The following PTPN20 variants were observed in gnomAD, a reference collection of about 807,000 sequenced individuals.
The protein encoded by PTPN20 is tyrosine-protein phosphatase non-receptor type 20.
PTPN20 carries 9 observed loss-of-function variants against 35.0 expected under a neutral mutation model. The observed-to-expected ratio is 0.26, with a 90% confidence interval of 0.15 to 0.45. PTPN20 has a LOEUF of 0.45. Among genes scored for constraint, PTPN20 ranks in the 20% least tolerant of loss-of-function variants. PTPN20 has a pLI of 1.00. For missense variants in PTPN20, 111 were observed against 312.5 expected (o/e 0.36, Z 4.86); for synonymous variants, 32 against 100.2 (o/e 0.32, Z 4.06).
At chr10:47,002,958 A>T (rs2060131569), downstream of PTPN20, among the ~76,000 whole-genome samples, 1 of 152,080 alleles carries the variant, frequency 6.6e-6, no homozygotes, top group Non-Finnish European at 1.5e-5. Context: ...AAAAGTCTAA[A>T]GCAAAATACT....
rs931529482 is a variant in PTPN20 at position 46,992,161 on chromosome 10, C to T, written c.1134+4606C>T. Among the ~76,000 whole-genome samples the T allele has an allele frequency of 1.2e-4, 17 of 142,714 alleles. No individual in the cohort carries two copies. The East Asian group carries it at 1.4e-3, about 12-fold the overall frequency. 93.6% of individuals were successfully genotyped at this position (142,714 alleles called of 152,430 possible). On this transcript the variant is annotated intron_variant, in intron 9 of 10. Transcript: ENST00000374339. ...TTTTTGAGACAGAGTCTTGGTCTGT[C>T]GCCCAGGCTGGAGTGCAGTGGCGTG... is the stretch of plus-strand genomic sequence containing the variant.
intron 2 of PTPN20, among the ~76,000 whole-genome samples, chr10:46,934,269 C>CTTTACTTAAT (rs2040682410): frequency 9.0e-6 from 1 of 110,602 alleles, no homozygotes; most frequent in Admixed American, 9.7e-5. Context: ...TATCCTGCAA[C>CTTTACTTAAT]TTTACTTAAT....
At chr10:46,988,805 C>CA (rs1237251452) in intron 9 of PTPN20, among the ~76,000 whole-genome samples, 1,116 of 150,652 alleles carry the variant, frequency 7.4e-3, no homozygotes, top group African/African-American at 0.026. Flanking sequence ...TAGTTTTCCT[C>CA]ATAGAAGTCT....
chr10:46,999,328 C>A (rs199896764), intron 9 of PTPN20, among the ~76,000 whole-genome samples: 44,727 of 151,830 alleles, frequency 0.29, 6,933 homozygotes, highest in East Asian at 0.44. Flanking sequence ...ATATCCTGTT[C>A]AGTTGAGCAC....
At chr10:46,937,921 CT>C (rs1296274189) in intron 2 of PTPN20, among the ~76,000 whole-genome samples, 2 of 135,442 alleles carry the variant, frequency 1.5e-5, no homozygotes, top group African/African-American at 5.7e-5. Context: ...TTTTTCTTTT[CT>C]TTTTTTCTTC....
At chr10:46,947,314 T>A (rs1228230388) in intron 5 of PTPN20, among the ~76,000 whole-genome samples, 1 of 149,208 alleles carries the variant, frequency 6.7e-6, no homozygotes, top group Non-Finnish European at 1.5e-5. Context: ...ATCTTAGAGG[T>A]CATCCATAAC....
rs1025943374 is a variant in PTPN20 at position 47,001,002 on chromosome 10, T to C, written c.*261T>C. The C allele has an allele frequency of 7.5e-6, 4 of 536,722 alleles. No individual in the cohort carries two copies. In the African/African-American group the frequency reaches 7.6e-5, roughly 10 times the overall value. 33.2% of individuals were successfully genotyped at this position (536,722 alleles called of 1,614,324 possible). On this transcript the variant is annotated 3_prime_UTR_variant, in exon 11 of 11. Transcript: ENST00000374339. ...GTGAAACAGATGTTACATAAAACGA[T>C]TGCAGCTTGGCTATTTGGTTGAAGG...
intron 5 of PTPN20, among the ~76,000 whole-genome samples, chr10:46,951,129 C>T (rs2134638199): frequency 6.6e-6 from 1 of 152,046 alleles, no homozygotes; most frequent in African/African-American, 2.4e-5. Context: ...TACCAGATTC[C>T]TTTCCAAAAG....
chr10:46,980,066 C>A (rs2054886425), intron 7 of PTPN20, among the ~76,000 whole-genome samples: 1 of 149,248 alleles, frequency 6.7e-6, no homozygotes, highest in Admixed American at 6.7e-5. Context: ...GGAGATATAT[C>A]CAACAAAAAT....
intron 7 of PTPN20, among the ~76,000 whole-genome samples, chr10:46,977,239 C>T (rs2054010194): frequency 6.6e-6 from 1 of 152,298 alleles, no homozygotes; most frequent in African/African-American, 2.4e-5. Context: ...GTCAACTTTT[C>T]CCTGGGGTCT....
chr10:46,993,990 G>C (rs1424369554), intron 9 of PTPN20, among the ~76,000 whole-genome samples: 1 of 152,116 alleles, frequency 6.6e-6, no homozygotes, highest in Non-Finnish European at 1.5e-5. Flanking sequence ...AGTCAGGTCT[G>C]CTGCTGTTGA....
rs1292602817 is a variant in PTPN20, at chr10:46,947,208, A to G, written c.340+533A>G. ...GAATATATACTTAACATATATGTGT[A>G]TGTGTATATATATATATATATATAT... On this transcript the variant is annotated intron_variant, in intron 5 of 10. Coordinates refer to ENST00000374339, the MANE Select transcript of PTPN20 (RefSeq NM_001042357.5). Among the ~76,000 whole-genome samples the G allele has an allele frequency of 4.2e-5, 5 of 120,212 alleles. 1 individual carries two copies. The highest frequency in any genetic ancestry group is 1.6e-4 in the Admixed American group (2 of 12,294). 78.9% of individuals were successfully genotyped at this position (120,212 alleles called of 152,430 possible). A position where few individuals can be genotyped will look rare whatever the true frequency, so the allele number is the denominator to read the frequency against.
At chr10:46,925,273 G>A (rs1270582064) in intron 1 of PTPN20, among the ~76,000 whole-genome samples, 4 of 148,386 alleles carry the variant, frequency 2.7e-5, no homozygotes, top group Non-Finnish European at 5.9e-5. Context: ...TGCAACTTTA[G>A]CCACTCGCTT....
In PTPN20 at chr10:46,968,044, C is replaced by T. The variant is rs1344080365; in HGVS notation, c.580C>T (p.Pro194Ser). The change falls in exon 7 of 11, where the codon CCA (proline) becomes TCA (serine). Residue 194 changes from proline (P) to serine (S), a missense_variant. Pro to Ser is a moderately conservative substitution (Grantham distance 74, BLOSUM62 -1). Coordinates refer to ENST00000374339, the MANE Select transcript of PTPN20 (RefSeq NM_001042357.5). The part of the protein sequence containing the change: ...REKNRYRDIL[P>S]YDSTRVPLGK... ...AAAAAATAGATACCGAGATATTCTT[C>T]CATGTAAGCTAAAAATAGTTTTGAT... 1 of 1,092,708 alleles carries T rather than the reference C, an allele frequency of 9.2e-7. No homozygotes were observed. The highest frequency in any genetic ancestry group is 1.2e-6 in the Non-Finnish European group (1 of 865,060). 67.7% of individuals were successfully genotyped at this position (1,092,708 alleles called of 1,614,324 possible).
Position 47,001,038 on chromosome 10 carries a change from C to G in PTPN20, c.*297C>G, listed in dbSNP as rs1280339573. 2.2e-6 allele frequency: 1 copy of G among 444,920 alleles called. No individual in the cohort carries two copies. Among genetic ancestry groups the G allele is most frequent in the Non-Finnish European group, 4.1e-6 (1 of 245,074 alleles). 27.6% of individuals were successfully genotyped at this position (444,920 alleles called of 1,614,324 possible). On this transcript the variant is annotated 3_prime_UTR_variant, in exon 11 of 11. Coordinates refer to ENST00000374339, the MANE Select transcript of PTPN20 (RefSeq NM_001042357.5). ...CTATTTGGTTGAAGGGATTACAGAG[C>G]CCAATAAAGGATTTAAAATATATTC... is the stretch of plus-strand genomic sequence containing the variant.
chr10:47,002,214 A>ATTAAATTTTATTT lies in PTPN20; in HGVS notation c.*1474_*1475insTAAATTTTATTTT, dbSNP rs2060101474. ...TTGATAATTGGCCTTTAATATTTGT[A>ATTAAATTTTATTT]TCTCTAATTTTATTTTCTCTCTGTT... On this transcript the variant is annotated 3_prime_UTR_variant, in exon 11 of 11. Coordinates refer to ENST00000374339, the MANE Select transcript of PTPN20 (RefSeq NM_001042357.5). 6.6e-6 allele frequency: 1 copy of ATTAAATTTTATTT among 152,356 alleles called. No homozygotes were observed. The highest frequency in any genetic ancestry group is 2.1e-4 in the South Asian group (1 of 4,834). The allele number at this position is 152,356 out of a possible 1,614,324, so 9.4% of individuals were successfully genotyped here.
chr10:47,003,162 T>G (rs2060133498), downstream of PTPN20, among the ~76,000 whole-genome samples: 1 of 152,050 alleles, frequency 6.6e-6, no homozygotes, highest in Non-Finnish European at 1.5e-5. Context: ...CAAAAACTGG[T>G]AATTACTTCA....
At chr10:46,957,499 G>C (rs1437954464) in intron 5 of PTPN20, among the ~76,000 whole-genome samples, 1 of 152,042 alleles carries the variant, frequency 6.6e-6, no homozygotes, top group Non-Finnish European at 1.5e-5. Flanking sequence ...ACTTTGGGAG[G>C]CCAAGGCAGG....
chr10:46,990,248 C>A (rs1440095803), intron 9 of PTPN20, among the ~76,000 whole-genome samples: 1 of 148,098 alleles, frequency 6.8e-6, no homozygotes, highest in Non-Finnish European at 1.5e-5. Context: ...TGGCATGCAC[C>A]TGCAGTCCCA....
Sources: allele counts gnomAD v4.1 joint callset (sites outside exome capture counted in the v4.1 genomes callset), GRCh38; gene constraint gnomAD v4.1.1; transcripts MANE v1.5; gene names NCBI Gene and HGNC (gene_info 2026-07-23, HGNC 2026-07-21).